Variants in PRICKLE3 observed in about 807,000 individuals in gnomAD.
The protein encoded by PRICKLE3 is LIM domain only protein 6.
PRICKLE3 carries 17 observed loss-of-function variants against 33.8 expected under a neutral mutation model. The ratio of observed to expected loss-of-function variants is 0.50; its 90% confidence interval spans 0.34 to 0.75. The LOEUF (loss-of-function observed/expected upper bound fraction) is 0.75, where lower values mean the gene tolerates loss of function less well. Among genes scored for constraint, PRICKLE3 ranks in the 30% least tolerant of loss-of-function variants. The pLI is 0.01. For missense variants in PRICKLE3, 573 were observed against 576.7 expected (o/e 0.99, Z 0.07); for synonymous variants, 211 against 219.6 (o/e 0.96, Z 0.34).
chrX:49,177,480 G>A (rs1557100316), intron 7 of PRICKLE3, among the ~76,000 whole-genome samples: 1 of 112,341 alleles, frequency 8.9e-6, no homozygotes, highest in African/African-American at 3.2e-5. Flanking sequence ...TCTAAGATTC[G>A]GGCCAGGCTT....
intron 1 of PRICKLE3, among the ~76,000 whole-genome samples, chrX:49,185,191 C>T (rs1182494861): frequency 9.0e-6 from 1 of 111,316 alleles, no homozygotes; most frequent in African/African-American, 3.3e-5. Context: ...TCCTTGAGAT[C>T]CCCACGTGAA....
chrX:49,184,045 G>T, intron 2 of PRICKLE3, 128 bp from the exon 3 acceptor site: 1 of 872,968 alleles, frequency 1.1e-6, no homozygotes, highest in Non-Finnish European at 1.6e-6. Flanking sequence ...CAGGGACAGG[G>T]ATCTGGGCCT....
In PRICKLE3 at chrX:49,176,017, T is replaced by G; in HGVS notation, c.1504A>C (p.Ser502Arg). 9 of 1,209,367 alleles carry G rather than the reference T, an allele frequency of 7.4e-6. No individual in the cohort carries two copies. Among genetic ancestry groups the G allele is most frequent in the Non-Finnish European group, 1.0e-5 (9 of 894,597 alleles). ...CGGCTGGGGGCCCTGGGTGGGGGAC[T>G]GCGTGGCCTGCGGCGCTGGGCCGGG... ...APPAQRRRPRSPPPRAPSRRR... is the reference protein window; with the variant it reads ...APPAQRRRPRRPPPRAPSRRR... Residue 502 changes from serine to arginine, a missense_variant, in exon 9 of 9, where the codon AGT (serine) becomes CGT (arginine). Physicochemically the swap from Ser to Arg is moderately radical, Grantham distance 110. Coordinates refer to ENST00000599218, the MANE Select transcript of PRICKLE3 (RefSeq NM_006150.5).
At chrX:49,182,150 T>A (rs1263889463) in intron 3 of PRICKLE3, among the ~76,000 whole-genome samples, 1 of 110,681 alleles carries the variant, frequency 9.0e-6, no homozygotes, top group Non-Finnish European at 1.9e-5. Context: ...TTTCACTATG[T>A]TGGCCAGGCT....
chrX:49,179,128 T>A (rs2065435099), intron 5 of PRICKLE3, 123 bp downstream of exon 5: 1 of 940,843 alleles, frequency 1.1e-6, no homozygotes, highest in Admixed American at 3.8e-5. Context: ...GAGGGGACCC[T>A]AGAGACACCT....
At chrX:49,176,362 G>A (rs2065417312) in intron 8 of PRICKLE3, 97 bp from the exon 9 acceptor site, 1 of 640,111 alleles carries the variant, frequency 1.6e-6, no homozygotes, top group African/African-American at 2.3e-5. Context: ...CCTCCACTAA[G>A]ACTGGGAAAG....
At position 49,179,109 on chromosome X, in the gene PRICKLE3, C is replaced by T. The variant is rs189204361; in HGVS notation, c.564+142G>A. Reference sequence around the variant, plus strand: ...ACAGTGAGATGTGAGGAACAGACCCCGCCCACAAGAGGGGACCCTAGAGAC... The same window carrying T: ...ACAGTGAGATGTGAGGAACAGACCCTGCCCACAAGAGGGGACCCTAGAGAC... On this transcript the variant is annotated intron_variant, in intron 5 of 8. Coordinates refer to ENST00000599218, the MANE Select transcript of PRICKLE3 (RefSeq NM_006150.5). The T allele has an allele frequency of 8.8e-3, 7,171 of 817,834 alleles. 35 individuals are homozygous for T. The highest frequency in any genetic ancestry group is 0.01 in the Non-Finnish European group (6,031 of 593,662). 67.4% of individuals were successfully genotyped at this position (817,834 alleles called of 1,213,427 possible).
In PRICKLE3 at chrX:49,179,350, T is replaced by C; in HGVS notation, c.465A>G (p.Lys155=). The C allele has an allele frequency of 2.5e-6, 3 of 1,211,433 alleles. No individual in the cohort carries two copies. Among genetic ancestry groups the C allele is most frequent in the Non-Finnish European group, 3.4e-6 (3 of 895,300 alleles). Residue 155 remains lysine (K), a synonymous_variant, in exon 5 of 9, where the codon AAA becomes AAG. Coordinates refer to ENST00000599218, the MANE Select transcript of PRICKLE3 (RefSeq NM_006150.5). The part of the protein sequence containing the change: ...YCTALEEEEK[K]ELRAFSQQRK... Reference sequence around the variant, plus strand: ...GCTGCTGGCTAAAGGCTCGGAGCTCTTTCTTTTCCTCCTCTTCCAGTGCTG... The same window carrying C: ...GCTGCTGGCTAAAGGCTCGGAGCTCCTTCTTTTCCTCCTCTTCCAGTGCTG...
In PRICKLE3 at chrX:49,178,353, G is replaced by C. The variant is rs782333042; in HGVS notation, c.687C>G (p.Ile229Met). ...AGACCTTGCCAACATGGTAGAAGTA[G>C]ATGAGGTCAACCAGCAGTTCCTGGC... is the stretch of plus-strand genomic sequence containing the variant. The part of the protein sequence containing the change: ...TTCQELLVDL[I>M]YFYHVGKVYC... The change falls in exon 6 of 9, where the codon ATC becomes ATG. Residue 229 changes from isoleucine to methionine, a missense_variant. Ile to Met is a conservative substitution (Grantham distance 10, BLOSUM62 1). Transcript: ENST00000599218. 3 of 1,209,746 alleles carry C rather than the reference G, an allele frequency of 2.5e-6. No individual in the cohort carries two copies.
intron 3 of PRICKLE3, among the ~76,000 whole-genome samples, chrX:49,182,592 G>A (rs782405471): frequency 1.2e-4 from 13 of 112,590 alleles, no homozygotes; most frequent in African/African-American, 3.5e-4. Flanking sequence ...AACCTTAGAT[G>A]TCTGCATGGC....
At chrX:49,186,141 G>C in intron 1 of PRICKLE3, 115 bp downstream of exon 1, 1 of 903,792 alleles carries the variant, frequency 1.1e-6, no homozygotes, top group African/African-American at 2.0e-5. Context: ...GGGAATGCAG[G>C]GGATGGGATT....
intron 3 of PRICKLE3, among the ~76,000 whole-genome samples, chrX:49,180,035 C>CA (rs781853338): frequency 1.1e-4 from 6 of 54,392 alleles, no homozygotes; most frequent in Non-Finnish European, 1.8e-4. Flanking sequence ...TGCTGATCAC[C>CA]TTTTTTTTTT....
At position 49,177,121 on chromosome X, in the gene PRICKLE3, C is replaced by CT; in HGVS notation, c.1036_1037insA (p.Arg346GlnfsTer78). 8.3e-7 allele frequency: 1 copy of CT among 1,199,126 alleles called. No homozygotes were observed. Among genetic ancestry groups the CT allele is most frequent in the Admixed American group, 2.3e-5 (1 of 44,363 alleles). On this transcript the variant is annotated frameshift_variant, in exon 8 of 9. Transcript: ENST00000599218. LOFTEE classifies it high-confidence loss of function. ...CAGGAATGGGCGGCCCAGCAGGGCC[C>CT]GCCCACAGCGACTACAGCAGAAGCA...
Position 49,174,850 on chromosome X carries a change from C to T in PRICKLE3, c.*823G>A, listed in dbSNP as rs1367646949. On this transcript the variant is annotated 3_prime_UTR_variant, in exon 9 of 9. Transcript: ENST00000599218. ...GGGAGACTTTTGTCTTCCAGCCTGC[C>T]AATCAACCCTCCTGGGTGTGGCCAC... The T allele has an allele frequency of 3.8e-6, 2 of 529,731 alleles. No individual in the cohort carries two copies. Among genetic ancestry groups the T allele is most frequent in the Non-Finnish European group, 6.8e-6 (2 of 295,696 alleles). 43.7% of individuals were successfully genotyped at this position (529,731 alleles called of 1,213,427 possible). A position where few individuals can be genotyped will look rare whatever the true frequency, so the allele number is the denominator to read the frequency against.
chrX:49,176,646 C>CAG (rs1422460509), intron 8 of PRICKLE3, among the ~76,000 whole-genome samples: 2 of 108,290 alleles, frequency 1.8e-5, no homozygotes, highest in African/African-American at 6.8e-5. Flanking sequence ...TGGGGTCAAG[C>CAG]AGAGACAAGT....
In PRICKLE3 at chrX:49,184,926, C is replaced by T. The variant is rs782155939; in HGVS notation, c.43-216G>A. ...AGTTGGAGCCACCTCCTTATATGTC[C>T]CCTTTTCAGGGAATTCCCCTTCCTA... On this transcript the variant is annotated intron_variant, in intron 1 of 8. Coordinates refer to ENST00000599218, the MANE Select transcript of PRICKLE3 (RefSeq NM_006150.5). 1.5e-3 allele frequency: 1,684 copies of T among 1,090,497 alleles called. 18 individuals are homozygous for T. In the South Asian group the frequency reaches 0.035, roughly 23 times the overall value. 89.9% of individuals were successfully genotyped at this position (1,090,497 alleles called of 1,213,427 possible).
chrX:49,182,724 C>G lies in PRICKLE3; in HGVS notation c.312+1010G>C, dbSNP rs782022502. 4.5e-5 allele frequency among the ~76,000 whole-genome samples: 5 copies of G among 112,131 alleles called. No individual in the cohort carries two copies. The Admixed American group carries it at 4.7e-4, about 11-fold the overall frequency. On this transcript the variant is annotated intron_variant, in intron 3 of 8. Coordinates refer to ENST00000599218, the MANE Select transcript of PRICKLE3 (RefSeq NM_006150.5). ...CTCTCTCTTTCTTCACCCCACCTTC[C>G]TTGCTTTTTAATTCCATAGCCCTTA...
chrX:49,176,055 G>C lies in PRICKLE3; in HGVS notation c.1466C>G (p.Thr489Ser). ...GCGCTGGGCCGGGGGTGCACTCAGG[G>C]TCCGGCGCGGGCCTCCTTCAGACAC... ...PLVSEGGPRR[T>S]LSAPPAQRRR... Residue 489 changes from threonine (T) to serine (S), a missense_variant, in exon 9 of 9, where the codon ACC (threonine) becomes AGC (serine). Coordinates refer to ENST00000599218, the MANE Select transcript of PRICKLE3 (RefSeq NM_006150.5). The C allele has an allele frequency of 2.5e-6, 3 of 1,206,688 alleles. No homozygotes were observed. The highest frequency in any genetic ancestry group is 3.4e-6 in the Non-Finnish European group (3 of 893,278).
chrX:49,179,156 C>G, intron 5 of PRICKLE3, 95 bp downstream of exon 5: 1 of 1,063,165 alleles, frequency 9.4e-7, no homozygotes, highest in South Asian at 2.3e-5. Context: ...GCTTAAGTGG[C>G]AGGCCTCATC....
Sources: gnomAD v4.1 joint callset for allele counts (sites outside exome capture counted in the v4.1 genomes callset) on GRCh38, gnomAD v4.1.1 for gene constraint, MANE v1.5 for transcripts, NCBI Gene and HGNC (gene_info 2026-07-23, HGNC 2026-07-21) for gene names.